The following PPP6R3 variants were observed in gnomAD, a reference collection of about 807,000 sequenced individuals.
PPP6R3 encodes the protein protein phosphatase 6 regulatory subunit 3.
Under a neutral mutation model 110.7 loss-of-function variants are expected in PPP6R3, and 38 were observed. The observed-to-expected ratio is 0.34, with a 90% CI of 0.26 to 0.45. The LOEUF (loss-of-function observed/expected upper bound fraction) is 0.45, where lower values mean the gene tolerates loss of function less well. Among genes scored for constraint, PPP6R3 ranks in the 20% least tolerant of loss-of-function variants. The pLI is 1.00. For missense variants in PPP6R3, 870 were observed against 1,062.4 expected (o/e 0.82, Z 2.52); for synonymous variants, 369 against 373.5 (o/e 0.99, Z 0.14).
intron 19 of PPP6R3, among the ~76,000 whole-genome samples, chr11:68,596,709 C>T (rs2099614793): frequency 6.6e-6 from 1 of 152,210 alleles, no homozygotes; most frequent in African/African-American, 2.4e-5. Context: ...TGCTTGTGCC[C>T]TGCTCCTTGC....
chr11:68,562,852 T>C (rs778753145), intron 8 of PPP6R3, among the ~76,000 whole-genome samples: 5 of 152,184 alleles, frequency 3.3e-5, no homozygotes, highest in African/African-American at 1.2e-4. Flanking sequence ...ATTGTTTAGA[T>C]ACATTGCCAA....
At chr11:68,559,178 A>G (rs1254081207) in intron 8 of PPP6R3, among the ~76,000 whole-genome samples, 3 of 152,360 alleles carry the variant, frequency 2.0e-5, no homozygotes, top group African/African-American at 7.2e-5. Flanking sequence ...AGGCTGTCTT[A>G]AAATGCATGG....
intron 3 of PPP6R3, among the ~76,000 whole-genome samples, chr11:68,539,661 A>G (rs191204809): frequency 6.6e-6 from 1 of 152,210 alleles, no homozygotes. Flanking sequence ...CTTTAGGGTT[A>G]TGGTTGACTA....
intron 2 of PPP6R3, among the ~76,000 whole-genome samples, chr11:68,524,138 G>T (rs1341304225): frequency 6.6e-6 from 1 of 152,122 alleles, no homozygotes; most frequent in Non-Finnish European, 1.5e-5. Flanking sequence ...TTCAGGCTTT[G>T]CCAGGGCGCC....
intron 1 of PPP6R3, among the ~76,000 whole-genome samples, chr11:68,518,298 C>G (rs186469630): frequency 3.8e-4 from 58 of 152,322 alleles, no homozygotes; most frequent in African/African-American, 1.2e-3. Flanking sequence ...TTGACATCAT[C>G]TTGTCTCTTT....
intron 1 of PPP6R3, among the ~76,000 whole-genome samples, chr11:68,505,556 G>A (rs2099071586): frequency 6.6e-6 from 1 of 151,932 alleles, no homozygotes; most frequent in East Asian, 1.9e-4. Flanking sequence ...GAGCAGTGCT[G>A]TCTAGTAGAA....
intron 3 of PPP6R3, among the ~76,000 whole-genome samples, chr11:68,538,891 A>G (rs924962360): frequency 6.6e-6 from 1 of 152,184 alleles, no homozygotes; most frequent in Non-Finnish European, 1.5e-5. Context: ...AAGCTGAGGC[A>G]GGTGGATCAC....
Position 68,531,850 on chromosome 11 carries a change from A to G in PPP6R3, c.-6-5809A>G, listed in dbSNP as rs76579733. Among the ~76,000 whole-genome samples the G allele has an allele frequency of 4.0e-3, 607 of 152,310 alleles. 5 individuals are homozygous for G. Among genetic ancestry groups the G allele is most frequent in the African/African-American group, 0.013 (537 of 41,576 alleles). The stretch of plus-strand genomic sequence containing the variant: ...TTTCCTGAGGCCTCAGGGCTAGCCA[A>G]TAGTGGAGCTGGTGTTAGAATCCAG... On this transcript the variant is annotated intron_variant, in intron 2 of 23. Coordinates refer to ENST00000393800, the MANE Select transcript of PPP6R3 (RefSeq NM_001164161.2).
Position 68,537,647 on chromosome 11 carries a change from C to G in PPP6R3, c.-6-12C>G, listed in dbSNP as rs1038093930. The G allele has an allele frequency of 7.0e-7, 1 of 1,437,890 alleles. No individual in the cohort carries two copies. Among genetic ancestry groups the G allele is most frequent in the Non-Finnish European group, 9.6e-7 (1 of 1,046,830 alleles). The allele number at this position is 1,437,890 out of a possible 1,614,324, so 89.1% of individuals were successfully genotyped here. A position where few individuals can be genotyped will look rare whatever the true frequency, so the allele number is the denominator to read the frequency against. On this transcript the variant is annotated splice_polypyrimidine_tract_variant and intron_variant, in intron 2 of 23. Transcript: ENST00000393800. ...TTGAAATTTTATGAAATACTTTCTGCATTTTGTTTAGACCAGCATGTTTTG... is the reference window on the plus strand; with the variant it reads ...TTGAAATTTTATGAAATACTTTCTGGATTTTGTTTAGACCAGCATGTTTTG...
intron 7 of PPP6R3, chr11:68,558,299 G>T (rs2099406975): frequency 9.3e-6 from 2 of 216,186 alleles, no homozygotes; most frequent in African/African-American, 4.7e-5. Context: ...GACAAAATTG[G>T]CAAAGACAAG....
intron 7 of PPP6R3, among the ~76,000 whole-genome samples, chr11:68,556,869 A>G (rs1040269544): frequency 1.3e-5 from 2 of 152,156 alleles, no homozygotes; most frequent in African/African-American, 2.4e-5. Context: ...TTTGACTGTC[A>G]AGTTTTCGCT....
At chr11:68,508,568 A>G (rs1054254210) in intron 1 of PPP6R3, among the ~76,000 whole-genome samples, 2 of 152,236 alleles carry the variant, frequency 1.3e-5, no homozygotes, top group Non-Finnish European at 2.9e-5. Flanking sequence ...AAAGGTTTGT[A>G]AGGATAGTTT....
chr11:68,564,390 A>C lies in PPP6R3; in HGVS notation c.933A>C (p.Gly311=). Residue 311 remains glycine, a synonymous_variant, in exon 9 of 24, where the codon GGA becomes GGC. Coordinates refer to ENST00000393800, the MANE Select transcript of PPP6R3 (RefSeq NM_001164161.2). ...AGAGTGTTCTAGAAGCCATCAGAGG[A>C]AGACTTGGATCTTTTCATGAACTCC... is the stretch of plus-strand genomic sequence containing the variant. ...VNKSVLEAIR[G]RLGSFHELLL... 1 of 1,613,966 alleles carries C rather than the reference A, an allele frequency of 6.2e-7. No homozygotes were observed. Among genetic ancestry groups the C allele is most frequent in the Non-Finnish European group, 8.5e-7 (1 of 1,179,816 alleles).
In PPP6R3 at chr11:68,603,409, A is replaced by T; in HGVS notation, c.2367A>T (p.Val789=). ...AGGATGCAGAAAGTACAGACAAGGT[A>T]ACTGAGACAGTGATGAATGGCGGCA... The part of the protein sequence containing the change: ...GEEDAESTDK[V]TETVMNGGMK... Residue 789 remains valine, a synonymous_variant, in exon 22 of 24, where the codon GTA becomes GTT. Transcript: ENST00000393800. 6.2e-7 allele frequency: 1 copy of T among 1,614,110 alleles called. No homozygotes were observed. The highest frequency in any genetic ancestry group is 8.5e-7 in the Non-Finnish European group (1 of 1,180,028).
chr11:68,466,956 C>T (rs1423253315), intron 1 of PPP6R3, among the ~76,000 whole-genome samples: 1 of 145,674 alleles, frequency 6.9e-6, no homozygotes, highest in Non-Finnish European at 1.5e-5. Context: ...CCGTGTTAGC[C>T]AGGATGGTCT....
intron 18 of PPP6R3, among the ~76,000 whole-genome samples, chr11:68,594,025 T>C (rs2099603734): frequency 6.6e-6 from 1 of 152,018 alleles, no homozygotes; most frequent in Non-Finnish European, 1.5e-5. Context: ...TGGGAAATGA[T>C]TTAAATACAA....
chr11:68,528,659 C>T (rs1019108345), intron 2 of PPP6R3, among the ~76,000 whole-genome samples: 2 of 152,172 alleles, frequency 1.3e-5, no homozygotes, highest in South Asian at 2.1e-4. Flanking sequence ...TTCTCATTAA[C>T]TTACAACACT....
At chr11:68,475,166 C>T (rs969926299) in intron 1 of PPP6R3, among the ~76,000 whole-genome samples, 4 of 152,166 alleles carry the variant, frequency 2.6e-5, no homozygotes, top group African/African-American at 4.8e-5. Flanking sequence ...GCACATCTTG[C>T]ACCGCCCTTA....
chr11:68,537,802 G>A lies in PPP6R3; in HGVS notation c.138G>A (p.Glu46=), dbSNP rs752936644. The A allele has an allele frequency of 1.9e-6, 3 of 1,614,014 alleles. No individual in the cohort carries two copies. In the South Asian group the frequency reaches 3.3e-5, roughly 18 times the overall value. The stretch of plus-strand genomic sequence containing the variant: ...AAGCTCAGAACCGCAAACTTATAGA[G>A]TTTCTGTTAAAAGCAGAATGTCTCG... ...ECKAQNRKLI[E]FLLKAECLED... Residue 46 remains glutamate, a synonymous_variant, in exon 3 of 24, where the codon GAG becomes GAA. Coordinates refer to ENST00000393800, the MANE Select transcript of PPP6R3 (RefSeq NM_001164161.2).
Sources: allele counts gnomAD v4.1 joint callset (sites outside exome capture counted in the v4.1 genomes callset), GRCh38; gene constraint gnomAD v4.1.1; transcripts MANE v1.5; gene names NCBI Gene and HGNC (gene_info 2026-07-23, HGNC 2026-07-21).